Variants in STXBP5L observed in about 807,000 individuals in gnomAD.
STXBP5L encodes syntaxin binding protein 5L.
Under a neutral mutation model 144.5 loss-of-function variants are expected in STXBP5L, and 65 were observed. The ratio of observed to expected loss-of-function variants is 0.45; its 90% CI spans 0.37 to 0.55. The LOEUF is 0.55. STXBP5L is among the 20% of genes least tolerant of loss of function. STXBP5L has a pLI of 0.00. For missense variants in STXBP5L, 1,298 were observed against 1,405.5 expected (o/e 0.92, Z 1.22); for synonymous variants, 505 against 469.6 (o/e 1.08, Z -0.97).
chr3:121,273,704 T>G (rs1007613920), intron 18 of STXBP5L, among the ~76,000 whole-genome samples: 1 of 152,106 alleles, frequency 6.6e-6, no homozygotes, highest in Admixed American at 6.6e-5. Flanking sequence ...CAGTGTTCTA[T>G]AGGGTTTCTT....
intron 3 of STXBP5L, among the ~76,000 whole-genome samples, chr3:120,985,974 GTTCT>G (rs1942250542): frequency 6.6e-6 from 1 of 151,350 alleles, no homozygotes; most frequent in Admixed American, 6.6e-5. Flanking sequence ...TTATTTTGTT[GTTCT>G]TTTTCTAGTT....
At chr3:121,256,216 T>G (rs2050201938) in intron 16 of STXBP5L, among the ~76,000 whole-genome samples, 1 of 152,086 alleles carries the variant, frequency 6.6e-6, no homozygotes, top group Non-Finnish European at 1.5e-5. Flanking sequence ...TATAATAGTG[T>G]CCTTACTGTA....
intron 3 of STXBP5L, among the ~76,000 whole-genome samples, chr3:120,990,077 A>T (rs1391129997): frequency 1.3e-5 from 2 of 152,146 alleles, no homozygotes; most frequent in Non-Finnish European, 2.9e-5. Context: ...TCAGCCCAAA[A>T]TCTCCTTAAG....
chr3:121,077,760 T>G (rs2042081369), intron 5 of STXBP5L, among the ~76,000 whole-genome samples: 1 of 152,068 alleles, frequency 6.6e-6, no homozygotes, highest in South Asian at 2.1e-4. Context: ...CCCACTAGAT[T>G]AGCTAGATAC....
intron 7 of STXBP5L, among the ~76,000 whole-genome samples, chr3:121,124,007 G>T (rs1435236181): frequency 5.9e-5 from 9 of 151,568 alleles, no homozygotes; most frequent in Non-Finnish European, 3.0e-5. Flanking sequence ...TTCACAATTA[G>T]ATTTTAATCT....
chr3:121,162,220 G>T (rs2046346657), intron 9 of STXBP5L, among the ~76,000 whole-genome samples: 1 of 152,044 alleles, frequency 6.6e-6, no homozygotes, highest in African/African-American at 2.4e-5. Flanking sequence ...TAAATTCAAT[G>T]GTATGAAGAC....
chr3:120,939,730 T>A lies in STXBP5L; in HGVS notation c.190-15210T>A, dbSNP rs575499424. On this transcript the variant is annotated intron_variant, in intron 2 of 26. Transcript: ENST00000471454. Reference sequence around the variant, plus strand: ...AAACATAACCCCATTCTTGTTTCTTTTAAGAAATACACTATTACTGAGAAA... The same window carrying A: ...AAACATAACCCCATTCTTGTTTCTTATAAGAAATACACTATTACTGAGAAA... Among the ~76,000 whole-genome samples, 5 of 152,284 alleles carry A rather than the reference T, an allele frequency of 3.3e-5. No individual in the cohort carries two copies. The South Asian group carries it at 1.0e-3, about 32-fold the overall frequency.
chr3:121,073,780 A>G (rs746234120), intron 5 of STXBP5L, among the ~76,000 whole-genome samples: 5 of 152,128 alleles, frequency 3.3e-5, no homozygotes, highest in Non-Finnish European at 5.9e-5. Context: ...TGGAATCCAA[A>G]TGTGACAGAA....
chr3:121,044,963 T>G (rs928779562), intron 4 of STXBP5L, among the ~76,000 whole-genome samples: 2 of 152,166 alleles, frequency 1.3e-5, no homozygotes, highest in Non-Finnish European at 2.9e-5. Flanking sequence ...CCAAATATAC[T>G]TTTTAGGAAG....
chr3:121,332,018 C>T (rs1009429827), intron 20 of STXBP5L, among the ~76,000 whole-genome samples: 1 of 150,650 alleles, frequency 6.6e-6, no homozygotes, highest in Non-Finnish European at 1.5e-5. Flanking sequence ...GCGCCCAGAG[C>T]CAAATTAGGT....
Position 121,142,954 on chromosome 3 carries a change from A to G in STXBP5L, c.670-9523A>G, listed in dbSNP as rs568783403. On this transcript the variant is annotated intron_variant, in intron 7 of 26. Transcript: ENST00000471454. ...AGAGTTATTATTTGAAAAGATCAAC[A>G]AAATTGACAAACTCAGCTACACTAA... 4.6e-5 allele frequency among the ~76,000 whole-genome samples: 7 copies of G among 152,058 alleles called. No individual in the cohort carries two copies. The South Asian group carries it at 1.4e-3, about 31-fold the overall frequency.
In STXBP5L at chr3:121,423,400, C is replaced by G. The variant is rs965800244; in HGVS notation, c.*4303C>G. ...GTGTGTATTTGCAGACAACATAGCCCTGAAAGCATGAAATGTAGAATAGGT... is the reference window on the plus strand; with the variant it reads ...GTGTGTATTTGCAGACAACATAGCCGTGAAAGCATGAAATGTAGAATAGGT... On this transcript the variant is annotated 3_prime_UTR_variant, in exon 27 of 27. Transcript: ENST00000471454. 1 of 152,086 alleles carries G rather than the reference C, an allele frequency of 6.6e-6. No individual in the cohort carries two copies. The highest frequency in any genetic ancestry group is 1.5e-5 in the Non-Finnish European group (1 of 68,022). The allele number at this position is 152,086 out of a possible 1,614,324, so 9.4% of individuals were successfully genotyped here.
intron 5 of STXBP5L, among the ~76,000 whole-genome samples, chr3:121,106,047 C>T (rs1242121701): frequency 6.6e-6 from 1 of 152,040 alleles, no homozygotes; most frequent in Non-Finnish European, 1.5e-5. Context: ...TCATTAATGG[C>T]CCAATTGAAA....
chr3:121,191,398 G>C (rs1336846164), intron 9 of STXBP5L, among the ~76,000 whole-genome samples: 1 of 152,178 alleles, frequency 6.6e-6, no homozygotes, highest in Non-Finnish European at 1.5e-5. Context: ...AACCAGTCAG[G>C]CGTGGAGGCG....
intron 3 of STXBP5L, among the ~76,000 whole-genome samples, chr3:120,959,824 C>T (rs1303956485): frequency 6.6e-6 from 1 of 152,098 alleles, no homozygotes; most frequent in Non-Finnish European, 1.5e-5. Context: ...CTAGGCAATA[C>T]CATTCAGGAC....
At chr3:121,058,161 T>C (rs1948587630) in intron 5 of STXBP5L, among the ~76,000 whole-genome samples, 1 of 152,190 alleles carries the variant, frequency 6.6e-6, no homozygotes. Context: ...GTGTGTGATA[T>C]TCCCCTCCCT....
chr3:121,312,446 C>CATTTT (rs1468535221), intron 19 of STXBP5L, among the ~76,000 whole-genome samples: 13 of 12,750 alleles, frequency 1.0e-3, no homozygotes, highest in Non-Finnish European at 1.3e-3. Flanking sequence ...GTATGTCAAT[C>CATTTT]TTTTTTTTTT....
chr3:121,161,505 G>A (rs1401260006), intron 9 of STXBP5L, among the ~76,000 whole-genome samples: 1 of 151,608 alleles, frequency 6.6e-6, no homozygotes. Context: ...TTATGTCTAG[G>A]CTTGGTTTCT....
rs941882924 is a variant in STXBP5L, at chr3:120,974,652, C to T, written c.287+19615C>T. Among the ~76,000 whole-genome samples, 84 of 152,188 alleles carry T rather than the reference C, an allele frequency of 5.5e-4. 1 individual carries two copies. Among genetic ancestry groups the T allele is most frequent in the Admixed American group, 3.3e-4 (5 of 15,262 alleles). On this transcript the variant is annotated intron_variant, in intron 3 of 26. Transcript: ENST00000471454. ...TCCTGAATGTTAATGCGTAGGTTTT[C>T]TTCTAGGGTTTTTATGGTTTTAGGT...
Sources: gnomAD v4.1 joint callset for allele counts (sites outside exome capture counted in the v4.1 genomes callset) on GRCh38, gnomAD v4.1.1 for gene constraint, MANE v1.5 for transcripts, NCBI Gene and HGNC (gene_info 2026-07-23, HGNC 2026-07-21) for gene names.